The following PIWIL1 variants were observed in gnomAD, a reference collection of about 807,000 sequenced individuals.
PIWIL1 encodes the protein piwi-like protein 1.
In PIWIL1, 73 loss-of-function variants were observed where a neutral mutation model predicts 114.4. The observed-to-expected ratio is 0.64, with a 90% CI of 0.53 to 0.78. The LOEUF is 0.78. PIWIL1 is among the 30% of genes least tolerant of loss of function. The probability of loss-of-function intolerance (pLI) is 0.00; values close to 1 mark genes in which losing one functional copy is unlikely to be tolerated. For synonymous variants in PIWIL1, 375 were observed against 369.0 expected, an observed-to-expected ratio of 1.02 and a Z score of -0.19; for missense variants, 723 against 1,063.1, an observed-to-expected ratio of 0.68 and a Z score of 4.45.
At chr12:130,383,509 A>G in the PIWIL1 span, 1 of 152,146 alleles carries the variant, frequency 6.6e-6, no homozygotes. Context: ...CCTCTAATAT[A>G]ATGATGGGGC....
At chr12:130,366,377 G>C (rs2073658595) in intron 18 of PIWIL1, 1 of 152,590 alleles carries the variant, frequency 6.6e-6, no homozygotes, top group Non-Finnish European at 1.5e-5. Context: ...CAGGGTCAGA[G>C]GGAGGGCAGA....
At chr12:130,417,870 G>GA in the PIWIL1 span, among the ~76,000 whole-genome samples, 849 of 152,244 alleles carry the variant, frequency 5.6e-3, 3 homozygotes, top group Middle Eastern at 0.01. Flanking sequence ...AGAATGGGAG[G>GA]GGAGAGGGAA....
In PIWIL1 at chr12:130,342,607, CGAGCCA is replaced by C. The variant is rs750233900; in HGVS notation, c.26_31del (p.Ala9_Arg10del). The C allele has an allele frequency of 3.1e-6, 5 of 1,613,460 alleles. No individual in the cohort carries two copies. The highest frequency in any genetic ancestry group is 4.2e-6 in the Non-Finnish European group (5 of 1,179,498). On this transcript the variant is annotated inframe_deletion, in exon 2 of 21. Coordinates refer to ENST00000245255, the MANE Select transcript of PIWIL1 (RefSeq NM_004764.5). Reference sequence around the variant, plus strand: ...ATAGAAAACAATGACTGGGAGAGCCCGAGCCAGAGCCAGAGGAAGGGCCCGCGGTCA... The same window carrying C: ...ATAGAAAACAATGACTGGGAGAGCCCGAGCCAGAGGAAGGGCCCGCGGTCA...
the PIWIL1 span, among the ~76,000 whole-genome samples, chr12:130,400,093 G>C: frequency 6.6e-6 from 1 of 152,154 alleles, no homozygotes; most frequent in African/African-American, 2.4e-5. Context: ...TTAGGATCAG[G>C]CTTCTGAAGG....
chr12:130,346,513 GA>G lies in PIWIL1; in HGVS notation c.462del (p.Asp155IlefsTer2). 1 of 1,614,040 alleles carries G rather than the reference GA, an allele frequency of 6.2e-7. No individual in the cohort carries two copies. The highest frequency in any genetic ancestry group is 8.5e-7 in the Non-Finnish European group (1 of 1,179,948). ...RLRSALLFQH[E>X]DLIGKCHAFD... ...CCGTTCAGCTCTTCTTTTTCAACAC[GA>G]AGATCTAATTGGAAAGTGTCATGCT... is the stretch of plus-strand genomic sequence containing the variant. On this transcript the variant is annotated frameshift_variant, in exon 5 of 21. Transcript: ENST00000245255. LOFTEE classifies it high-confidence loss of function.
the PIWIL1 span, chr12:130,396,472 A>AAGAT: frequency 6.5e-6 from 1 of 152,780 alleles, no homozygotes; most frequent in East Asian, 1.9e-4. Context: ...GCCAATGATG[A>AAGAT]AGATGGGTAT....
chr12:130,399,551 G>A, the PIWIL1 span: 1 of 1,087,850 alleles, frequency 9.2e-7, no homozygotes, highest in Admixed American at 2.4e-5. Flanking sequence ...CTTCAGGGCA[G>A]AGAAAAAAAA....
At chr12:130,387,862 T>A in the PIWIL1 span, among the ~76,000 whole-genome samples, 2 of 152,384 alleles carry the variant, frequency 1.3e-5, no homozygotes, top group Admixed American at 1.3e-4. Context: ...TAATAAAATT[T>A]ACAGCATATC....
At chr12:130,369,229 G>C (rs926367794) in intron 19 of PIWIL1, among the ~76,000 whole-genome samples, 1 of 152,078 alleles carries the variant, frequency 6.6e-6, no homozygotes, top group East Asian at 1.9e-4. Context: ...GCATGATCTT[G>C]TTCCTTTATA....
At chr12:130,338,677 G>A (rs1351628487) in intron 1 of PIWIL1, among the ~76,000 whole-genome samples, 1 of 92,222 alleles carries the variant, frequency 1.1e-5, no homozygotes, top group African/African-American at 4.3e-5. Flanking sequence ...CGGGTGCGGG[G>A]GCGAGGTCCC....
the PIWIL1 span, among the ~76,000 whole-genome samples, chr12:130,421,691 A>ATGTGTG: frequency 0.021 from 3,022 of 147,274 alleles, 99 homozygotes; most frequent in African/African-American, 0.069. Flanking sequence ...CTGCATTTAT[A>ATGTGTG]TGTGTGTGTG....
chr12:130,355,459 G>T, intron 11 of PIWIL1, 94 bp from the exon 12 acceptor site: 1 of 929,978 alleles, frequency 1.1e-6, no homozygotes, highest in Non-Finnish European at 1.8e-6. Context: ...CGGCGACATT[G>T]GAGTGTGTTG....
the PIWIL1 span, among the ~76,000 whole-genome samples, chr12:130,413,179 A>G: frequency 6.6e-6 from 1 of 152,172 alleles, no homozygotes; most frequent in Non-Finnish European, 1.5e-5. Flanking sequence ...TTCCTACGTA[A>G]CAAGATAGTG....
At chr12:130,353,118 A>G (rs1374412621) in intron 9 of PIWIL1, among the ~76,000 whole-genome samples, 1 of 152,204 alleles carries the variant, frequency 6.6e-6, no homozygotes, top group Non-Finnish European at 1.5e-5. Flanking sequence ...GATTAAGGAC[A>G]TGCTGTGATG....
the PIWIL1 span, chr12:130,407,897 C>T: frequency 1.4e-6 from 2 of 1,416,046 alleles, no homozygotes; most frequent in Non-Finnish European, 2.0e-6. Context: ...TGTTCCCCTC[C>T]TTCCGGGTCA....
intron 7 of PIWIL1, among the ~76,000 whole-genome samples, chr12:130,348,910 A>T (rs149833016): frequency 1.3e-5 from 2 of 151,092 alleles, no homozygotes; most frequent in East Asian, 3.9e-4. Context: ...AATAAATAAA[A>T]AACAAAATAT....
chr12:130,405,891 T>TA, the PIWIL1 span, among the ~76,000 whole-genome samples: 1 of 152,182 alleles, frequency 6.6e-6, no homozygotes, highest in Non-Finnish European at 1.5e-5. Flanking sequence ...GGCAGCAATT[T>TA]AAAAAATAAG....
downstream of PIWIL1, chr12:130,372,717 A>G (rs1165890634): frequency 6.7e-6 from 1 of 149,612 alleles, no homozygotes; most frequent in Non-Finnish European, 1.5e-5. Flanking sequence ...CAATATTTGT[A>G]GTATAAGAAC....
the PIWIL1 span, among the ~76,000 whole-genome samples, chr12:130,402,913 T>C: frequency 6.6e-6 from 1 of 152,194 alleles, no homozygotes; most frequent in Non-Finnish European, 1.5e-5. Context: ...GCACACGCTT[T>C]AAAACACGAT....
Sources: allele counts gnomAD v4.1 joint callset (sites outside exome capture counted in the v4.1 genomes callset), GRCh38; gene constraint gnomAD v4.1.1; transcripts MANE v1.5; gene names NCBI Gene and HGNC (gene_info 2026-07-23, HGNC 2026-07-21).